RUNX1T1: variants seen among roughly 807,000 people sequenced by gnomAD.
The protein encoded by RUNX1T1 is RUNX1 partner transcriptional co-repressor 1.
A neutral mutation model predicts 62.8 loss-of-function variants in RUNX1T1; 4 were observed. The observed-to-expected ratio is 0.06, with a 90% CI of 0.03 to 0.15. The LOEUF is 0.15. Among genes scored for constraint, RUNX1T1 ranks in the 10% least tolerant of loss-of-function variants. RUNX1T1 has a pLI of 1.00. For synonymous variants in RUNX1T1, 291 were observed against 286.0 expected, an observed-to-expected ratio of 1.02 and a Z score of -0.18; for missense variants, 508 against 754.3, an observed-to-expected ratio of 0.67 and a Z score of 3.82.
At chr8:92,051,397 G>A (rs1348471093) in intron 1 of RUNX1T1, among the ~76,000 whole-genome samples, 2 of 151,956 alleles carry the variant, frequency 1.3e-5, no homozygotes, top group East Asian at 1.9e-4. Flanking sequence ...AGTGCCGTAC[G>A]TGAAATAACA....
chr8:92,061,918 G>A (rs772297355), intron 1 of RUNX1T1, among the ~76,000 whole-genome samples: 2 of 152,118 alleles, frequency 1.3e-5, no homozygotes, highest in Non-Finnish European at 2.9e-5. Context: ...AAACACTCCA[G>A]GCTCCAAAAA....
At chr8:92,034,797 T>TACACACAC (rs200718439) in intron 1 of RUNX1T1, among the ~76,000 whole-genome samples, 5,992 of 96,730 alleles carry the variant, frequency 0.062, 245 homozygotes, top group Non-Finnish European at 0.096. Context: ...TATACATATA[T>TACACACAC]ACACACACAC....
At chr8:91,982,561 T>G (rs1482271311) in intron 8 of RUNX1T1, among the ~76,000 whole-genome samples, 4 of 152,208 alleles carry the variant, frequency 2.6e-5, no homozygotes, top group Non-Finnish European at 4.4e-5. Context: ...TGGTCAAATC[T>G]GTCAATTCTG....
intron 1 of RUNX1T1, among the ~76,000 whole-genome samples, chr8:92,030,009 A>G (rs1825936183): frequency 6.6e-6 from 1 of 152,112 alleles, no homozygotes; most frequent in South Asian, 2.1e-4. Context: ...CTTAGTATAA[A>G]ATCCAAACCT....
intron 1 of RUNX1T1, among the ~76,000 whole-genome samples, chr8:92,096,400 T>C (rs1473735986): frequency 2.0e-5 from 3 of 152,168 alleles, no homozygotes; most frequent in African/African-American, 7.2e-5. Context: ...CAAGGGCTAA[T>C]GCTTGTCCGT....
intron 8 of RUNX1T1, among the ~76,000 whole-genome samples, chr8:91,982,478 A>T (rs760270472): frequency 1.8e-4 from 28 of 152,190 alleles, no homozygotes; most frequent in Non-Finnish European, 3.4e-4. Context: ...GATTCTGACA[A>T]GCACTTCGGA....
chr8:92,057,324 G>T (rs2130508412), intron 1 of RUNX1T1, among the ~76,000 whole-genome samples: 1 of 152,114 alleles, frequency 6.6e-6, no homozygotes, highest in Admixed American at 6.5e-5. Flanking sequence ...ATAAAATAAG[G>T]AAACAAAAAG....
At chr8:92,050,936 G>A (rs1195557363) in intron 1 of RUNX1T1, among the ~76,000 whole-genome samples, 1 of 152,052 alleles carries the variant, frequency 6.6e-6, no homozygotes, top group African/African-American at 2.4e-5. Flanking sequence ...AGGCTTTACG[G>A]TTGCTATTCC....
chr8:92,081,638 A>G (rs554014229), intron 1 of RUNX1T1, among the ~76,000 whole-genome samples: 14 of 151,930 alleles, frequency 9.2e-5, no homozygotes, highest in Non-Finnish European at 1.8e-4. Flanking sequence ...GTTTTCTCCA[A>G]ATAAAGGCAT....
chr8:92,029,097 G>A (rs529516713), intron 1 of RUNX1T1, among the ~76,000 whole-genome samples: 2 of 152,174 alleles, frequency 1.3e-5, no homozygotes, highest in African/African-American at 4.8e-5. Context: ...AATCAGGAAG[G>A]TGCCCAGGGT....
intron 1 of RUNX1T1, among the ~76,000 whole-genome samples, chr8:92,098,949 A>C (rs964176108): frequency 1.3e-5 from 2 of 152,182 alleles, no homozygotes; most frequent in East Asian, 3.8e-4. Flanking sequence ...TGTTCTTTAA[A>C]CATTATTTAG....
At chr8:92,058,225 G>A (rs1289779178) in intron 1 of RUNX1T1, among the ~76,000 whole-genome samples, 1 of 152,120 alleles carries the variant, frequency 6.6e-6, no homozygotes. Flanking sequence ...CACATTTTGA[G>A]CAACCTACAA....
chr8:92,054,896 T>C (rs952396972), intron 1 of RUNX1T1, among the ~76,000 whole-genome samples: 1 of 151,944 alleles, frequency 6.6e-6, no homozygotes, highest in African/African-American at 2.4e-5. Flanking sequence ...CCCCAGCTAC[T>C]AGGGAGGCTG....
intron 1 of RUNX1T1, among the ~76,000 whole-genome samples, chr8:92,060,553 A>ATATATATATGTGTGTGTGTGTGTGTG: frequency 1.3e-3 from 82 of 63,822 alleles, no homozygotes; most frequent in African/African-American, 3.8e-3. Flanking sequence ...ATATATATAT[A>ATATATATATGTGTGTGTGTGTGTGTG]TGTGTGTGTG....
chr8:91,973,348 A>T (rs1813250850), intron 9 of RUNX1T1, among the ~76,000 whole-genome samples: 1 of 151,606 alleles, frequency 6.6e-6, no homozygotes, highest in African/African-American at 2.4e-5. Context: ...TTATAGAGGA[A>T]TTTTTTGTAC....
chr8:92,046,920 T>C (rs539072358), intron 1 of RUNX1T1, among the ~76,000 whole-genome samples: 4 of 152,266 alleles, frequency 2.6e-5, no homozygotes, highest in African/African-American at 9.6e-5. Flanking sequence ...CATGGAATAA[T>C]AAATGACGGG....
At chr8:92,058,672 G>A (rs960944907) in intron 1 of RUNX1T1, among the ~76,000 whole-genome samples, 8 of 152,146 alleles carry the variant, frequency 5.3e-5, no homozygotes, top group African/African-American at 1.9e-4. Flanking sequence ...GAAGGTGCTC[G>A]CAAGATAAAC....
rs77930850 is a variant in RUNX1T1, at chr8:91,981,158, A to G, written c.1198+4966T>C. 4.7e-3 allele frequency among the ~76,000 whole-genome samples: 708 copies of G among 152,252 alleles called. 4 individuals are homozygous for G. Among genetic ancestry groups the G allele is most frequent in the African/African-American group, 0.015 (638 of 41,558 alleles). ...AGCACAAAGAGATTATGACCTGCCAAAGGCCACAAAACTAATATGAAGAGG... is the reference window on the plus strand; with the variant it reads ...AGCACAAAGAGATTATGACCTGCCAGAGGCCACAAAACTAATATGAAGAGG... On this transcript the variant is annotated intron_variant, in intron 8 of 10. Transcript: ENST00000396218.
chr8:92,099,808 C>G (rs1837956235), upstream of RUNX1T1: 1 of 188,924 alleles, frequency 5.3e-6, no homozygotes, highest in Non-Finnish European at 9.9e-6. Context: ...GACCAGCATT[C>G]CTATTGGAAG....
Sources: allele counts gnomAD v4.1 joint callset (sites outside exome capture counted in the v4.1 genomes callset), GRCh38; gene constraint gnomAD v4.1.1; transcripts MANE v1.5; gene names NCBI Gene and HGNC (gene_info 2026-07-23, HGNC 2026-07-21).